Variants in RAD54B observed in about 807,000 individuals in gnomAD.
RAD54B encodes DNA repair and recombination protein RAD54B.
Under a neutral mutation model 95.8 loss-of-function variants are expected in RAD54B, and 78 were observed. The ratio of observed to expected loss-of-function variants is 0.81; its 90% CI spans 0.68 to 0.98. RAD54B has a LOEUF of 0.98. Among genes scored for constraint, RAD54B ranks in the 50% least tolerant of loss-of-function variants. RAD54B has a pLI of 0.00. For synonymous variants in RAD54B, 328 were observed against 354.9 expected, an observed-to-expected ratio of 0.92 and a Z score of 0.85; for missense variants, 957 against 1,056.6, an observed-to-expected ratio of 0.91 and a Z score of 1.31.
intron 8 of RAD54B, among the ~76,000 whole-genome samples, chr8:94,396,488 C>T (rs1195296482): frequency 1.3e-5 from 2 of 151,916 alleles, no homozygotes; most frequent in East Asian, 3.9e-4. Flanking sequence ...CACCTATATC[C>T]TCCTGTAACC....
intron 3 of RAD54B, chr8:94,429,420 G>C (rs1277767296): frequency 1.1e-6 from 1 of 906,988 alleles, no homozygotes; most frequent in Non-Finnish European, 1.3e-6. Context: ...CTCTTTTCTA[G>C]AAACATCTCA....
At chr8:94,463,107 C>A (rs903065863) in intron 2 of RAD54B, among the ~76,000 whole-genome samples, 1 of 152,026 alleles carries the variant, frequency 6.6e-6, no homozygotes, top group South Asian at 2.1e-4. Flanking sequence ...ACCCAGGAGG[C>A]AGAGGTTGCA....
At chr8:94,412,920 A>G (rs1336479263) in intron 3 of RAD54B, among the ~76,000 whole-genome samples, 1 of 152,204 alleles carries the variant, frequency 6.6e-6, no homozygotes, top group African/African-American at 2.4e-5. Context: ...TAGACTAGCA[A>G]GGAATAATCA....
chr8:94,458,105 A>C (rs1259982806), intron 3 of RAD54B, among the ~76,000 whole-genome samples, 163 bp downstream of exon 3: 2 of 152,212 alleles, frequency 1.3e-5, no homozygotes, highest in African/African-American at 4.8e-5. Context: ...TAATCCAATC[A>C]CTAAAGATAA....
chr8:94,400,598 CAT>C, intron 6 of RAD54B, 135 bp from the exon 7 acceptor site: 1 of 634,474 alleles, frequency 1.6e-6, no homozygotes, highest in South Asian at 2.5e-5. Context: ...ATTTACAACA[CAT>C]CTTTTGCATC....
chr8:94,378,675 C>G (rs1810659914), intron 12 of RAD54B, 41 bp from the exon 13 acceptor site: 2 of 1,341,774 alleles, frequency 1.5e-6, no homozygotes, highest in African/African-American at 2.9e-5. Flanking sequence ...ACAGTAGAAA[C>G]TAATGGCCCC....
intron 11 of RAD54B, among the ~76,000 whole-genome samples, chr8:94,382,711 C>T (rs1038584426): frequency 7.9e-5 from 12 of 152,134 alleles, no homozygotes; most frequent in African/African-American, 2.7e-4. Context: ...GACTAAATCA[C>T]GGGGGCGGTT....
intron 9 of RAD54B, among the ~76,000 whole-genome samples, chr8:94,392,319 T>G (rs929480667): frequency 1.5e-4 from 23 of 152,210 alleles, no homozygotes; most frequent in Non-Finnish European, 3.2e-4. Context: ...TGGAGTGCAG[T>G]GGCACGATCT....
intron 2 of RAD54B, among the ~76,000 whole-genome samples, chr8:94,460,755 T>G (rs1450681363): frequency 1.3e-5 from 2 of 152,182 alleles, no homozygotes; most frequent in Non-Finnish European, 2.9e-5. Flanking sequence ...GAGAATATAT[T>G]TCCTTGTCTT....
At chr8:94,460,189 G>T (rs1476372264) in intron 2 of RAD54B, among the ~76,000 whole-genome samples, 1 of 150,878 alleles carries the variant, frequency 6.6e-6, no homozygotes, top group Non-Finnish European at 1.5e-5. Context: ...GATCAGTCAT[G>T]GCCAGGCATG....
In RAD54B at chr8:94,378,570, G is replaced by A. The variant is rs775859629; in HGVS notation, c.2312C>T (p.Thr771Ile). Residue 771 changes from threonine to isoleucine, a missense_variant and splice_region_variant, in exon 13 of 15, where the codon ACA becomes ATA. Physicochemically the swap from Thr to Ile is moderately conservative, Grantham distance 89 (BLOSUM62 -1). Coordinates refer to ENST00000336148, the MANE Select transcript of RAD54B (RefSeq NM_012415.3). ...TTGTCACACTGAAGGGTTGTTACCT[G>A]TAGTTAGGAGTCTGTAAATATGTAC... ...YPVHIYRLLT[T>I]GTIEEKIYQR... is the part of the protein sequence containing the mutation. The A allele has an allele frequency of 6.2e-7, 1 of 1,601,820 alleles. No homozygotes were observed. The highest frequency in any genetic ancestry group is 1.1e-5 in the South Asian group (1 of 88,820).
chr8:94,377,751 C>T (rs540615760), intron 14 of RAD54B, among the ~76,000 whole-genome samples: 52 of 150,626 alleles, frequency 3.5e-4, no homozygotes, highest in African/African-American at 1.0e-3. Context: ...CCGAGGCGGG[C>T]GGATCACGAG....
chr8:94,416,408 C>G (rs1222782051), intron 3 of RAD54B, among the ~76,000 whole-genome samples: 1 of 151,546 alleles, frequency 6.6e-6, no homozygotes, highest in Non-Finnish European at 1.5e-5. Flanking sequence ...GGAGATATAC[C>G]TAATGCTAAA....
chr8:94,402,381 G>A (rs1244736622), intron 6 of RAD54B, among the ~76,000 whole-genome samples: 1 of 151,888 alleles, frequency 6.6e-6, no homozygotes, highest in East Asian at 1.9e-4. Flanking sequence ...AGCCTCCTGA[G>A]TAGCTAGGAT....
chr8:94,415,605 C>T (rs201646337), intron 3 of RAD54B, among the ~76,000 whole-genome samples: 18 of 136,332 alleles, frequency 1.3e-4, no homozygotes, highest in Admixed American at 4.7e-4. Context: ...AGAAAATTTT[C>T]GCAACCTACT....
rs759243870 is a variant in RAD54B at position 94,411,272 on chromosome 8, T to G, written c.348A>C (p.Glu116Asp). ...ATTTAACTAGGCTATCAGATTTCTC[T>G]TCTTGTTCCTTGGACACTGCTACTT... ...PKEVAVSKEQ[E>D]EKSDSLVKYF... The change falls in exon 4 of 15, where the codon GAA (glutamate) becomes GAC (aspartate). Residue 116 changes from glutamate (E) to aspartate (D), a missense_variant. Glu to Asp is a conservative substitution (Grantham distance 45). Transcript: ENST00000336148. 6.2e-7 allele frequency: 1 copy of G among 1,605,854 alleles called. No homozygotes were observed. The highest frequency in any genetic ancestry group is 1.7e-5 in the Admixed American group (1 of 57,550).
At chr8:94,465,809 TATA>T (rs1326867340) in intron 2 of RAD54B, among the ~76,000 whole-genome samples, 1 of 152,212 alleles carries the variant, frequency 6.6e-6, no homozygotes, top group Non-Finnish European at 1.5e-5. Flanking sequence ...GGTAAAACCA[TATA>T]ATGATTATTC....
At chr8:94,428,134 G>A (rs1178477378) in intron 3 of RAD54B, 2 of 883,552 alleles carry the variant, frequency 2.3e-6, no homozygotes, top group East Asian at 1.2e-4. Flanking sequence ...AGAAAGATAG[G>A]AAAGTGGCTA....
At chr8:94,422,853 G>A (rs186297269) in intron 3 of RAD54B, among the ~76,000 whole-genome samples, 162 of 148,450 alleles carry the variant, frequency 1.1e-3, no homozygotes, top group Non-Finnish European at 1.8e-3. Context: ...GATATAGGAG[G>A]CTATGTTCCA....
Sources: gnomAD v4.1 joint callset for allele counts (sites outside exome capture counted in the v4.1 genomes callset) on GRCh38, gnomAD v4.1.1 for gene constraint, MANE v1.5 for transcripts, NCBI Gene and HGNC (gene_info 2026-07-23, HGNC 2026-07-21) for gene names.